Variants in LEF1 observed in about 807,000 individuals in gnomAD.
LEF1 encodes the protein lymphoid enhancer binding factor 1.
Under a neutral mutation model 51.2 loss-of-function variants are expected in LEF1, and 14 were observed. That is an observed-to-expected ratio of 0.27 (90% CI 0.18 to 0.43). LEF1 has a LOEUF of 0.43. LEF1 is among the 20% of genes least tolerant of loss of function. The pLI, the probability that LEF1 is intolerant of heterozygous loss-of-function variation, is 1.00. For synonymous variants in LEF1, 185 were observed against 183.2 expected (o/e 1.01, Z -0.08); for missense variants, 386 against 512.0 (o/e 0.75, Z 2.37).
intron 3 of LEF1, among the ~76,000 whole-genome samples, chr4:108,138,506 T>TACACACACACACACACACAC: frequency 6.6e-6 from 1 of 150,378 alleles, no homozygotes; most frequent in South Asian, 2.1e-4. Flanking sequence ...TGTGTGTGTA[T>TACACACACACACACACACAC]ACACACACAC....
chr4:108,123,080 TTTTAAG>T (rs1742279321), intron 3 of LEF1, among the ~76,000 whole-genome samples: 1 of 152,250 alleles, frequency 6.6e-6, no homozygotes. Flanking sequence ...TGTCCATTTC[TTTTAAG>T]TTTATCTGCA....
At chr4:108,060,411 C>T (rs1035793673) in intron 11 of LEF1, among the ~76,000 whole-genome samples, 3 of 152,128 alleles carry the variant, frequency 2.0e-5, no homozygotes, top group Non-Finnish European at 2.9e-5. Context: ...TCTCAGAGGA[C>T]GCTGGGCACA....
chr4:108,141,437 C>T lies in LEF1; in HGVS notation c.414+22131G>A, dbSNP rs138621040. On this transcript the variant is annotated intron_variant, in intron 3 of 11. Transcript: ENST00000265165. ...TTGTCATCGAGATGTGGCATGTCAG[C>T]GGGACTCCAGTGTTCTCTGCTCCCC... 1.7e-4 allele frequency among the ~76,000 whole-genome samples: 26 copies of T among 152,266 alleles called. No individual in the cohort carries two copies. The East Asian group carries it at 3.1e-3, about 18-fold the overall frequency.
chr4:108,052,044 G>T (rs1257333687), intron 11 of LEF1, among the ~76,000 whole-genome samples: 1 of 152,158 alleles, frequency 6.6e-6, no homozygotes, highest in Admixed American at 6.5e-5. Context: ...TGTCCTGGGG[G>T]TTCCTCCCCA....
chr4:108,092,934 A>C (rs1240856718), intron 3 of LEF1, among the ~76,000 whole-genome samples: 20 of 148,382 alleles, frequency 1.3e-4, no homozygotes, highest in Middle Eastern at 3.4e-3. Context: ...AAAAAAAAAA[A>C]AAAAAAAAAA....
At chr4:108,118,582 C>G (rs1741977343) in intron 3 of LEF1, among the ~76,000 whole-genome samples, 1 of 152,210 alleles carries the variant, frequency 6.6e-6, no homozygotes. Flanking sequence ...GCCAGGGACT[C>G]TCCCAAGTAC....
At chr4:108,081,777 G>A in intron 5 of LEF1, 108 bp from the exon 6 acceptor site, 1 of 785,710 alleles carries the variant, frequency 1.3e-6, no homozygotes, top group South Asian at 1.6e-5. Context: ...AGAATCTTGT[G>A]GAAGTATTAC....
chr4:108,104,166 G>GT (rs1740995296), intron 3 of LEF1, among the ~76,000 whole-genome samples: 1 of 152,002 alleles, frequency 6.6e-6, no homozygotes. Flanking sequence ...CATATTATAT[G>GT]ATATGTATAT....
intron 3 of LEF1, among the ~76,000 whole-genome samples, chr4:108,119,132 T>C (rs1407260997): frequency 6.7e-6 from 1 of 148,442 alleles, no homozygotes; most frequent in Non-Finnish European, 1.5e-5. Flanking sequence ...GCTATACAGA[T>C]TATAAGTGTA....
At chr4:108,152,293 T>A (rs535798231) in intron 3 of LEF1, among the ~76,000 whole-genome samples, 1 of 152,312 alleles carries the variant, frequency 6.6e-6, no homozygotes, top group African/African-American at 2.4e-5. Flanking sequence ...GGGTTTAGGA[T>A]GCAGGTCTGG....
intron 1 of LEF1, among the ~76,000 whole-genome samples, chr4:108,165,895 T>C (rs566238016): frequency 3.9e-5 from 6 of 152,178 alleles, no homozygotes; most frequent in Non-Finnish European, 8.8e-5. Flanking sequence ...GGCCTCCTCA[T>C]GCCCACTTAA....
chr4:108,088,984 T>A, intron 4 of LEF1, 141 bp downstream of exon 4: 1 of 888,254 alleles, frequency 1.1e-6, no homozygotes, highest in Non-Finnish European at 1.8e-6. Flanking sequence ...TGCTATCAAA[T>A]GAATTACTCT....
intron 3 of LEF1, among the ~76,000 whole-genome samples, chr4:108,130,665 G>A (rs921538040): frequency 6.6e-6 from 1 of 151,642 alleles, no homozygotes; most frequent in Non-Finnish European, 1.5e-5. Context: ...AGGAGGCAGA[G>A]GTTGCAGTGA....
intron 10 of LEF1, among the ~76,000 whole-genome samples, chr4:108,064,089 T>G (rs1195704864): frequency 6.6e-6 from 1 of 151,728 alleles, no homozygotes; most frequent in Non-Finnish European, 1.5e-5. Context: ...ACAAACAAAA[T>G]CCCACAGTTT....
At chr4:108,116,545 C>A (rs1413197925) in intron 3 of LEF1, among the ~76,000 whole-genome samples, 2 of 152,086 alleles carry the variant, frequency 1.3e-5, no homozygotes, top group Admixed American at 6.6e-5. Context: ...ACCAAAGAGC[C>A]CTCCGAGTCC....
At chr4:108,092,938 A>AC (rs1560784283) in intron 3 of LEF1, among the ~76,000 whole-genome samples, 20 of 123,026 alleles carry the variant, frequency 1.6e-4, no homozygotes, top group African/African-American at 5.3e-4. Flanking sequence ...AAAAAAAAAA[A>AC]AAAAAAAAAA....
intron 9 of LEF1, among the ~76,000 whole-genome samples, chr4:108,065,700 C>T (rs1738033259): frequency 6.6e-6 from 1 of 152,068 alleles, no homozygotes; most frequent in African/African-American, 2.4e-5. Context: ...ATATATGGTA[C>T]AATCTTATAG....
intron 3 of LEF1, among the ~76,000 whole-genome samples, chr4:108,137,835 A>G (rs1187135112): frequency 6.6e-6 from 1 of 152,220 alleles, no homozygotes; most frequent in Non-Finnish European, 1.5e-5. Flanking sequence ...CCTATAGAAT[A>G]TATCAACCCA....
intron 8 of LEF1, among the ~76,000 whole-genome samples, chr4:108,076,585 C>G (rs1001555941): frequency 1.3e-5 from 2 of 152,078 alleles, no homozygotes; most frequent in African/African-American, 4.8e-5. Flanking sequence ...ACCATGTCAG[C>G]CAGGCTGGTC....
Sources: gnomAD v4.1 joint callset for allele counts (sites outside exome capture counted in the v4.1 genomes callset) on GRCh38, gnomAD v4.1.1 for gene constraint, MANE v1.5 for transcripts, NCBI Gene and HGNC (gene_info 2026-07-23, HGNC 2026-07-21) for gene names.